Variants in ACBD3 observed in about 807,000 individuals in gnomAD.
ACBD3 encodes the protein acyl-CoA binding domain containing 3, also known as Golgi resident protein GCP60.
ACBD3 carries 30 observed loss-of-function variants against 66.9 expected under a neutral mutation model. The observed-to-expected ratio is 0.45, with a 90% CI of 0.34 to 0.61. The LOEUF is 0.61. Ranked by LOEUF, ACBD3 falls within the 20% of genes least tolerant of loss-of-function variation. The pLI is 0.02. For synonymous variants in ACBD3, 278 were observed against 259.8 expected, an observed-to-expected ratio of 1.07 and a Z score of -0.68; for missense variants, 544 against 664.5, an observed-to-expected ratio of 0.82 and a Z score of 1.99.
intron 1 of ACBD3, among the ~76,000 whole-genome samples, chr1:226,180,187 A>T (rs1337166533): frequency 3.3e-5 from 5 of 151,820 alleles, no homozygotes; most frequent in Admixed American, 3.3e-4. Flanking sequence ...AAAAAAAAAA[A>T]AAAGGATAAT....
At position 226,154,755 on chromosome 1, in the gene ACBD3, G is replaced by A. The variant is rs1212850219; in HGVS notation, c.982C>T (p.Pro328Ser). 6.2e-7 allele frequency: 1 copy of A among 1,613,706 alleles called. No homozygotes were observed. The highest frequency in any genetic ancestry group is 1.7e-5 in the Admixed American group (1 of 59,960). Reference sequence around the variant, plus strand: ...CCATTAACTGACATCATATTACTTGGTACAGTTGCATTCACTTTTGATGAT... The same window carrying A: ...CCATTAACTGACATCATATTACTTGATACAGTTGCATTCACTTTTGATGAT... ...PTSSKVNATV[P>S]SNMMSVNGQA... Residue 328 changes from proline (P) to serine (S), a missense_variant, in exon 6 of 8, where the codon CCA becomes TCA. By Grantham distance (74) the Pro-to-Ser change is moderately conservative. Around this residue, in one of 3 missense-constraint regions of ACBD3, gnomAD observed 383 missense variants for 462.4 expected, o/e 0.83. Coordinates refer to ENST00000366812, the MANE Select transcript of ACBD3 (RefSeq NM_022735.4).
intron 1 of ACBD3, among the ~76,000 whole-genome samples, chr1:226,183,697 C>A (rs1478272786): frequency 1.3e-5 from 2 of 151,766 alleles, no homozygotes; most frequent in African/African-American, 4.8e-5. Flanking sequence ...AGTTCGAGAC[C>A]AGCATGGAGA....
At chr1:226,174,304 A>C (rs1261842146) in intron 1 of ACBD3, among the ~76,000 whole-genome samples, 2 of 152,194 alleles carry the variant, frequency 1.3e-5, no homozygotes, top group African/African-American at 4.8e-5. Flanking sequence ...TAATTCAATC[A>C]ATTTTGGAAT....
chr1:226,167,227 G>A (rs1659893331), intron 1 of ACBD3, among the ~76,000 whole-genome samples: 1 of 152,204 alleles, frequency 6.6e-6, no homozygotes, highest in South Asian at 2.1e-4. Context: ...TTGAAAGGCT[G>A]TATTCAAAAA....
intron 7 of ACBD3, among the ~76,000 whole-genome samples, chr1:226,149,529 CTTTTTTTTTT>C (rs1170130229): frequency 6.1e-4 from 18 of 29,612 alleles, no homozygotes; most frequent in South Asian, 3.9e-3. Flanking sequence ...GCCCAGCCAT[CTTTTTTTTTT>C]TTTTTTTTTT....
intron 1 of ACBD3, among the ~76,000 whole-genome samples, chr1:226,171,119 G>A (rs1659985492): frequency 6.7e-6 from 1 of 150,198 alleles, no homozygotes; most frequent in Non-Finnish European, 1.5e-5. Context: ...TGTGAACTAG[G>A]CGCAGGGTCT....
intron 1 of ACBD3, among the ~76,000 whole-genome samples, chr1:226,168,098 T>C (rs1659908502): frequency 6.6e-6 from 1 of 152,220 alleles, no homozygotes. Flanking sequence ...ATGTTTTTCC[T>C]AAATGTACAT....
chr1:226,158,382 T>TA (rs1558125431), intron 5 of ACBD3, among the ~76,000 whole-genome samples: 1 of 152,158 alleles, frequency 6.6e-6, no homozygotes, highest in Admixed American at 6.5e-5. Context: ...GCACAAGATG[T>TA]AAAAAATGAA....
At chr1:226,183,709 AC>A (rs1205932256) in intron 1 of ACBD3, among the ~76,000 whole-genome samples, 1 of 151,562 alleles carries the variant, frequency 6.6e-6, no homozygotes, top group Admixed American at 6.6e-5. Flanking sequence ...GCATGGAGAA[AC>A]CCCGTCTCTA....
Position 226,159,478 on chromosome 1 carries a change from T to C in ACBD3, c.729-120A>G, listed in dbSNP as rs1659731724. On this transcript the variant is annotated intron_variant, in intron 4 of 7. Transcript: ENST00000366812. ...CTCTTAAAAACAACTAAGCTAGTAA[T>C]GTACACCAATTAGTATGTGTTCTGG... 9.5e-6 allele frequency: 8 copies of C among 839,556 alleles called. No individual in the cohort carries two copies. In the East Asian group the frequency reaches 1.6e-4, roughly 17 times the overall value. 52.0% of individuals were successfully genotyped at this position (839,556 alleles called of 1,614,324 possible).
chr1:226,175,645 A>ATT lies in ACBD3; in HGVS notation c.287-9647_287-9646dup, dbSNP rs767959532. Among the ~76,000 whole-genome samples the ATT allele has an allele frequency of 1.3e-5, 2 of 148,518 alleles. 1 individual carries two copies. Among genetic ancestry groups the ATT allele is most frequent in the Admixed American group, 1.3e-4 (2 of 14,830 alleles). ...AAGAGAGATACAGACATACATTAGA[A>ATT]TTTTTTTTTTTTAATTAAAGCAGCA... is the stretch of plus-strand genomic sequence containing the variant. On this transcript the variant is annotated intron_variant, in intron 1 of 7. Transcript: ENST00000366812.
intron 1 of ACBD3, among the ~76,000 whole-genome samples, chr1:226,173,989 C>T (rs1270530985): frequency 6.6e-6 from 1 of 151,916 alleles, no homozygotes; most frequent in Non-Finnish European, 1.5e-5. Context: ...TCTCAAAACT[C>T]CTGACATCAG....
chr1:226,164,898 T>A lies in ACBD3; in HGVS notation c.460A>T (p.Lys154Ter). The change falls in exon 3 of 8, where the codon AAA (lysine) becomes TAA (stop). Residue 154 changes from lysine (K) to a stop codon, truncating the protein, a stop_gained. Coordinates refer to ENST00000366812, the MANE Select transcript of ACBD3 (RefSeq NM_022735.4). LOFTEE classifies it high-confidence loss of function. ...REWAALGNMS[K>*]EDAMVEFVKL... Reference sequence around the variant, plus strand: ...ACAAACTCCACCATGGCATCCTCTTTAGACATGTTTCCCAGGGCTGCCCAT... The same window carrying A: ...ACAAACTCCACCATGGCATCCTCTTAAGACATGTTTCCCAGGGCTGCCCAT... The A allele has an allele frequency of 6.2e-7, 1 of 1,602,688 alleles. No individual in the cohort carries two copies. Among genetic ancestry groups the A allele is most frequent in the African/African-American group, 1.3e-5 (1 of 74,824 alleles).
At chr1:226,174,547 C>A (rs1655975470) in intron 1 of ACBD3, among the ~76,000 whole-genome samples, 1 of 152,018 alleles carries the variant, frequency 6.6e-6, no homozygotes, top group Non-Finnish European at 1.5e-5. Flanking sequence ...AGTGGATCAC[C>A]TGAGGTCAGG....
chr1:226,181,348 T>C lies in ACBD3; in HGVS notation c.286+5042A>G, dbSNP rs543050588. ...TTTAAAACATTAAGGAAGCCATTTA[T>C]AAATGCTCTTGTAGTTGCCTATGTT... On this transcript the variant is annotated intron_variant, in intron 1 of 7. Transcript: ENST00000366812. Among the ~76,000 whole-genome samples, 84 of 152,350 alleles carry C rather than the reference T, an allele frequency of 5.5e-4. No individual in the cohort carries two copies. The Middle Eastern group carries it at 0.01, about 19-fold the overall frequency.
At chr1:226,149,090 T>C (rs1659511852) in intron 7 of ACBD3, among the ~76,000 whole-genome samples, 1 of 152,156 alleles carries the variant, frequency 6.6e-6, no homozygotes, top group Non-Finnish European at 1.5e-5. Flanking sequence ...AACACCAATA[T>C]AACCCCAAAA....
At chr1:226,167,101 T>A (rs1659891527) in intron 1 of ACBD3, among the ~76,000 whole-genome samples, 1 of 152,148 alleles carries the variant, frequency 6.6e-6, no homozygotes, top group African/African-American at 2.4e-5. Flanking sequence ...AGCCCAACAA[T>A]CGGTTTTTAA....
In ACBD3 at chr1:226,183,346, T is replaced by G. The variant is rs142732423; in HGVS notation, c.286+3044A>C. Among the ~76,000 whole-genome samples, 1,418 of 152,076 alleles carry G rather than the reference T, an allele frequency of 9.3e-3. 34 individuals carry two copies. The highest frequency in any genetic ancestry group is 0.032 in the African/African-American group (1,325 of 41,484). ...GCCTGCCACCACGCCCAGCTAATTT[T>G]TTTATTTTTTTATTTTTAGTACAGA... On this transcript the variant is annotated intron_variant, in intron 1 of 7. Coordinates refer to ENST00000366812, the MANE Select transcript of ACBD3 (RefSeq NM_022735.4).
chr1:226,144,778 G>C lies in ACBD3; in HGVS notation c.*1832C>G, dbSNP rs1659416063. On this transcript the variant is annotated 3_prime_UTR_variant, in exon 8 of 8. Transcript: ENST00000366812. ...ATCAACAGCCAAAGGCAATAAGAAA[G>C]TTTAAAACCAAAAATATTCTGACAT... is the stretch of plus-strand genomic sequence containing the variant. The C allele has an allele frequency of 6.6e-6, 1 of 152,574 alleles. No homozygotes were observed. Among genetic ancestry groups the C allele is most frequent in the Non-Finnish European group, 1.5e-5 (1 of 68,030 alleles). The allele number at this position is 152,574 out of a possible 1,614,324, so 9.5% of individuals were successfully genotyped here.
Sources: allele counts gnomAD v4.1 joint callset (sites outside exome capture counted in the v4.1 genomes callset), GRCh38; gene constraint gnomAD v4.1.1; regional missense constraint gnomAD v4.1.1; transcripts MANE v1.5; gene names NCBI Gene and HGNC (gene_info 2026-07-23, HGNC 2026-07-21).